ADGRL2: variants seen among roughly 807,000 people sequenced by gnomAD.
ADGRL2 encodes calcium-independent alpha-latrotoxin receptor 2.
ADGRL2 carries 44 observed loss-of-function variants against 157.4 expected under a neutral mutation model. The ratio of observed to expected loss-of-function variants is 0.28; its 90% CI spans 0.22 to 0.36. ADGRL2 has a LOEUF of 0.36. Among genes scored for constraint, ADGRL2 ranks in the 10% least tolerant of loss-of-function variants. ADGRL2 has a pLI of 1.00. For synonymous variants in ADGRL2, 585 were observed against 624.7 expected (o/e 0.94, Z 0.95); for missense variants, 1,510 against 1,768.9 (o/e 0.85, Z 2.63).
rs146697816 is a variant in ADGRL2, at chr1:81,711,196, G to T, written c.-143+11388G>T. ...GTTCTTCAGGTTACAATTCTTGTCC[G>T]CATGTTTGAATTTTATCATTGGCAA... On this transcript the variant is annotated intron_variant, in intron 1 of 20. Coordinates refer to the ADGRL2 transcript ENST00000359929. Among the ~76,000 whole-genome samples, 102 of 152,272 alleles carry T rather than the reference G, an allele frequency of 6.7e-4. 2 individuals carry two copies. The East Asian group carries it at 9.6e-3, about 14-fold the overall frequency.
At chr1:81,345,963 T>A (rs1306139433) in intron 1 of ADGRL2, among the ~76,000 whole-genome samples, 3 of 152,188 alleles carry the variant, frequency 2.0e-5, no homozygotes, top group African/African-American at 7.2e-5. Context: ...AAATAATTTT[T>A]TAATATTTCT....
At chr1:81,406,729 C>A (rs974691174) in intron 1 of ADGRL2, among the ~76,000 whole-genome samples, 4 of 152,090 alleles carry the variant, frequency 2.6e-5, no homozygotes, top group African/African-American at 9.7e-5. Context: ...GTAGATGCCA[C>A]GAGAGCCTGG....
chr1:81,653,320 GT>G (rs375033003), intron 3 of ADGRL2, among the ~76,000 whole-genome samples: 85 of 135,438 alleles, frequency 6.3e-4, no homozygotes, highest in Middle Eastern at 3.8e-3. Flanking sequence ...AACCTTTAGG[GT>G]TTTTTTTTTT....
intron 1 of ADGRL2, among the ~76,000 whole-genome samples, chr1:81,307,809 G>C (rs545796257): frequency 2.1e-5 from 3 of 142,362 alleles, no homozygotes; most frequent in African/African-American, 8.0e-5. Flanking sequence ...TGCCAAAAAT[G>C]TGCAGTTCTT....
rs535689406 is a variant in ADGRL2 at position 81,630,223 on chromosome 1, A to G, written c.-143+49243A>G. Reference sequence around the variant, plus strand: ...TTAGCTGAATAAGACAGTGGAGAGAAAGCAAGGCAAAGCTGTGGTTTCAAG... The same window carrying G: ...TTAGCTGAATAAGACAGTGGAGAGAGAGCAAGGCAAAGCTGTGGTTTCAAG... On this transcript the variant is annotated intron_variant, in intron 3 of 24. Transcript: ENST00000370721. 1.1e-4 allele frequency among the ~76,000 whole-genome samples: 17 copies of G among 152,194 alleles called. No individual in the cohort carries two copies. The South Asian group carries it at 3.5e-3, about 32-fold the overall frequency.
intron 2 of ADGRL2, among the ~76,000 whole-genome samples, chr1:81,773,094 G>A (rs183396380): frequency 2.6e-5 from 4 of 152,268 alleles, no homozygotes; most frequent in Admixed American, 2.6e-4. Context: ...GCTAATTGTA[G>A]TCTGTCCCTA....
chr1:81,406,885 G>A (rs1266797809), intron 1 of ADGRL2, among the ~76,000 whole-genome samples: 3 of 152,166 alleles, frequency 2.0e-5, no homozygotes, highest in East Asian at 1.9e-4. Flanking sequence ...AGCTTGTGAC[G>A]AGGGAGTGTT....
At chr1:81,651,760 A>G (rs1248995940) in intron 3 of ADGRL2, among the ~76,000 whole-genome samples, 1 of 152,238 alleles carries the variant, frequency 6.6e-6, no homozygotes, top group South Asian at 2.1e-4. Context: ...TAGAGACAGG[A>G]TCTTGCTCAT....
At chr1:81,791,822 T>G (rs1211292089) in intron 2 of ADGRL2, among the ~76,000 whole-genome samples, 1 of 152,142 alleles carries the variant, frequency 6.6e-6, no homozygotes, top group Admixed American at 6.6e-5. Context: ...TTTTTCTGAG[T>G]AAAAGTGCAT....
rs188954520 is a variant in ADGRL2 at position 81,789,490 on chromosome 1, G to A, written c.-101+27638G>A. Reference sequence around the variant, plus strand: ...TGCCTGTAATCCCAGCACTTTGGGAGGCCGAGGTGGGCAGATCACGAGGTC... The same window carrying A: ...TGCCTGTAATCCCAGCACTTTGGGAAGCCGAGGTGGGCAGATCACGAGGTC... On this transcript the variant is annotated intron_variant, in intron 2 of 20. Transcript: ENST00000359929. Among the ~76,000 whole-genome samples the A allele has an allele frequency of 3.1e-3, 468 of 152,192 alleles. 6 individuals are homozygous for A. Among genetic ancestry groups the A allele is most frequent in the African/African-American group, 0.011 (450 of 41,552 alleles).
At chr1:81,941,536 T>C (rs1195815790) in intron 4 of ADGRL2, among the ~76,000 whole-genome samples, 5 of 151,736 alleles carry the variant, frequency 3.3e-5, no homozygotes, top group Admixed American at 1.3e-4. Flanking sequence ...ACTCCAAAAT[T>C]AAGTTGTGAT....
chr1:81,728,523 T>G (rs2084614976), intron 1 of ADGRL2, among the ~76,000 whole-genome samples: 1 of 152,214 alleles, frequency 6.6e-6, no homozygotes, highest in Admixed American at 6.5e-5. Flanking sequence ...CTTTTTTTCT[T>G]CATGCCCTAA....
chr1:81,360,652 C>A (rs924767149), intron 1 of ADGRL2, among the ~76,000 whole-genome samples: 3 of 151,762 alleles, frequency 2.0e-5, no homozygotes, highest in African/African-American at 4.8e-5. Flanking sequence ...TCATAGCCAC[C>A]TTTTCTCATA....
chr1:81,391,279 C>T (rs1377025565), intron 1 of ADGRL2, among the ~76,000 whole-genome samples: 1 of 152,304 alleles, frequency 6.6e-6, no homozygotes, highest in Non-Finnish European at 1.5e-5. Context: ...TACAGAAGGC[C>T]TAGAGACTGC....
intron 1 of ADGRL2, among the ~76,000 whole-genome samples, chr1:81,428,107 T>C (rs1328935995): frequency 6.6e-6 from 1 of 152,178 alleles, no homozygotes; most frequent in East Asian, 1.9e-4. Context: ...TTTGTATGAA[T>C]TTTGCTAAAG....
At chr1:81,386,638 T>A (rs1360915069) in intron 1 of ADGRL2, among the ~76,000 whole-genome samples, 1 of 152,178 alleles carries the variant, frequency 6.6e-6, no homozygotes, top group Non-Finnish European at 1.5e-5. Context: ...ATGTACTGTA[T>A]GTACTAACTT....
At chr1:81,810,417 G>A in intron 1 of ADGRL2, among the ~76,000 whole-genome samples, 1 of 1,978 alleles carries the variant, frequency 5.1e-4, no homozygotes, top group East Asian at 0.036. Flanking sequence ...TTATTAAACT[G>A]GTTACCATCC....
chr1:81,819,703 T>G (rs1212046231), intron 1 of ADGRL2, among the ~76,000 whole-genome samples: 1 of 152,158 alleles, frequency 6.6e-6, no homozygotes, highest in Non-Finnish European at 1.5e-5. Flanking sequence ...ATAAAAGCTA[T>G]CGTAATCTGG....
chr1:81,594,373 G>A (rs1389908821), intron 3 of ADGRL2, among the ~76,000 whole-genome samples: 2 of 152,290 alleles, frequency 1.3e-5, no homozygotes, highest in South Asian at 2.1e-4. Context: ...ATTCAAAGTG[G>A]AAATGCTTCA....
Sources: allele counts gnomAD v4.1 joint callset (sites outside exome capture counted in the v4.1 genomes callset), GRCh38; gene constraint gnomAD v4.1.1; transcripts MANE v1.5; gene names NCBI Gene and HGNC (gene_info 2026-07-23, HGNC 2026-07-21).